Variants in SVIL observed in about 807,000 individuals in gnomAD.
SVIL encodes archvillin.
SVIL carries 101 observed loss-of-function variants against 240.4 expected under a neutral mutation model. That is an observed-to-expected ratio of 0.42 (90% CI 0.36 to 0.50). The LOEUF is 0.50. Among genes scored for constraint, SVIL ranks in the 20% least tolerant of loss-of-function variants. The probability of loss-of-function intolerance (pLI) is 0.01; values close to 1 mark genes in which losing one functional copy is unlikely to be tolerated. For synonymous variants in SVIL, 999 were observed against 1,100.0 expected, an observed-to-expected ratio of 0.91 and a Z score of 1.82; for missense variants, 2,512 against 2,818.7, an observed-to-expected ratio of 0.89 and a Z score of 2.46.
At chr10:29,717,165 G>A (rs1449816091) in intron 1 of SVIL, among the ~76,000 whole-genome samples, 6 of 147,882 alleles carry the variant, frequency 4.1e-5, no homozygotes, top group Middle Eastern at 3.5e-3. Flanking sequence ...CCCGGGAGGC[G>A]GAGCTTGCAG....
intron 1 of SVIL, among the ~76,000 whole-genome samples, chr10:29,705,044 G>A (rs986491561): frequency 6.6e-6 from 1 of 152,136 alleles, no homozygotes; most frequent in African/African-American, 2.4e-5. Context: ...GAAATGTAAT[G>A]AGACTAGGAA....
chr10:29,657,360 C>A (rs886312559), intron 3 of SVIL, among the ~76,000 whole-genome samples: 7 of 152,280 alleles, frequency 4.6e-5, no homozygotes, highest in African/African-American at 1.7e-4. Flanking sequence ...ACTACTCACA[C>A]CCATCAAGAT....
Position 29,471,100 on chromosome 10 carries a change from A to C in SVIL, c.5635+38T>G, listed in dbSNP as rs1225290469. The C allele has an allele frequency of 1.9e-6, 3 of 1,572,728 alleles. No homozygotes were observed. In the African/African-American group the frequency reaches 4.1e-5, roughly 21 times the overall value. On this transcript the variant is annotated intron_variant, in intron 31 of 37. Coordinates refer to ENST00000355867, the MANE Select transcript of SVIL (RefSeq NM_021738.3). ...TATAAAAATTCTTTCCAAGAGAGGG[A>C]AAGGCAAAGTCGAATTCCAGCAGTA...
At chr10:29,536,244 G>A (rs1301192634) in intron 6 of SVIL, among the ~76,000 whole-genome samples, 175 bp from the exon 7 acceptor site, 1 of 152,010 alleles carries the variant, frequency 6.6e-6, no homozygotes, top group Non-Finnish European at 1.5e-5. Flanking sequence ...CAGACATGAG[G>A]GCCCACTTGA....
chr10:29,709,918 C>T (rs549054621), intron 1 of SVIL, among the ~76,000 whole-genome samples: 1 of 152,294 alleles, frequency 6.6e-6, no homozygotes, highest in East Asian at 1.9e-4. Context: ...CCAGACTGTG[C>T]TGCCTCAATG....
At chr10:29,718,339 A>ATG (rs1380397129) in intron 1 of SVIL, among the ~76,000 whole-genome samples, 1 of 149,950 alleles carries the variant, frequency 6.7e-6, no homozygotes, top group Non-Finnish European at 1.5e-5. Context: ...AAAAAAAAAA[A>ATG]TTCGCCTGTT....
intron 1 of SVIL, among the ~76,000 whole-genome samples, chr10:29,571,129 C>T (rs1955393268): frequency 6.6e-6 from 1 of 152,212 alleles, no homozygotes; most frequent in Non-Finnish European, 1.5e-5. Flanking sequence ...TGAGATTTTT[C>T]ACAGTGCAGG....
chr10:29,710,657 G>GACCA (rs1963213591), intron 1 of SVIL, among the ~76,000 whole-genome samples: 1 of 152,110 alleles, frequency 6.6e-6, no homozygotes, highest in South Asian at 2.1e-4. Flanking sequence ...AACAAACACA[G>GACCA]ACCAGCATGT....
At chr10:29,545,905 A>G (rs980550832) in intron 6 of SVIL, among the ~76,000 whole-genome samples, 2 of 151,364 alleles carry the variant, frequency 1.3e-5, no homozygotes, top group Non-Finnish European at 2.9e-5. Context: ...AAGAAAGAAA[A>G]TGAGGTCTAC....
At chr10:29,672,711 C>T (rs1267561374) in intron 2 of SVIL, among the ~76,000 whole-genome samples, 1 of 152,038 alleles carries the variant, frequency 6.6e-6, no homozygotes, top group African/African-American at 2.4e-5. Flanking sequence ...CTGCACTCTT[C>T]CTGCAGAGTG....
intron 2 of SVIL, among the ~76,000 whole-genome samples, chr10:29,567,840 C>T (rs957513824): frequency 2.0e-5 from 3 of 151,974 alleles, no homozygotes; most frequent in South Asian, 4.1e-4. Context: ...CACGGTGAAA[C>T]CCCGTCTCTA....
chr10:29,723,986 G>A (rs1964135130), intron 1 of SVIL, among the ~76,000 whole-genome samples: 1 of 152,180 alleles, frequency 6.6e-6, no homozygotes, highest in African/African-American at 2.4e-5. Context: ...AAATAATGGA[G>A]AAGACATTGT....
upstream of SVIL, among the ~76,000 whole-genome samples, chr10:29,636,339 A>G (rs1379175907): frequency 2.0e-5 from 3 of 152,204 alleles, no homozygotes; most frequent in Non-Finnish European, 4.4e-5. Context: ...ACAGTTCACT[A>G]TTTGGGTCTT....
At chr10:29,627,780 T>A (rs138733987) in intron 1 of SVIL, among the ~76,000 whole-genome samples, 13 of 152,324 alleles carry the variant, frequency 8.5e-5, no homozygotes, top group African/African-American at 3.1e-4. Context: ...TGAAGCTGAG[T>A]CACCCTATTC....
chr10:29,629,072 T>C (rs2132943103), intron 1 of SVIL, among the ~76,000 whole-genome samples: 1 of 152,172 alleles, frequency 6.6e-6, no homozygotes, highest in South Asian at 2.1e-4. Context: ...TGATCAGTGC[T>C]GAGGAGTGAG....
intron 1 of SVIL, among the ~76,000 whole-genome samples, chr10:29,574,541 G>A (rs920961043): frequency 6.6e-6 from 1 of 152,158 alleles, no homozygotes; most frequent in African/African-American, 2.4e-5. Flanking sequence ...GACTGGAGAC[G>A]AAGGGGCCTT....
chr10:29,554,577 G>A (rs1304063591), intron 5 of SVIL, among the ~76,000 whole-genome samples: 4 of 152,158 alleles, frequency 2.6e-5, no homozygotes, highest in Admixed American at 6.5e-5. Context: ...TTGAGCTTGA[G>A]CCCAGGAGTT....
rs569002545 is a variant in SVIL, at chr10:29,518,968, G to C, written c.3389+3442C>G. Among the ~76,000 whole-genome samples, 7 of 152,322 alleles carry C rather than the reference G, an allele frequency of 4.6e-5. No individual in the cohort carries two copies. The South Asian group carries it at 1.5e-3, about 32-fold the overall frequency. On this transcript the variant is annotated intron_variant, in intron 16 of 37. Coordinates refer to ENST00000355867, the MANE Select transcript of SVIL (RefSeq NM_021738.3). ...TGAGAACTTAATATAGTCAGGCCCT[G>C]GACAGGGGAGAGACTGACACAACAA...
chr10:29,565,124 C>A (rs1033820372), intron 2 of SVIL, among the ~76,000 whole-genome samples: 3 of 152,186 alleles, frequency 2.0e-5, no homozygotes, highest in African/African-American at 7.2e-5. Flanking sequence ...GCTTTTCAGG[C>A]CACTTACCTT....
Sources: allele counts gnomAD v4.1 joint callset (sites outside exome capture counted in the v4.1 genomes callset), GRCh38; gene constraint gnomAD v4.1.1; transcripts MANE v1.5; gene names NCBI Gene and HGNC (gene_info 2026-07-23, HGNC 2026-07-21).